The following SLC1A1 variants were observed in gnomAD, a reference collection of about 807,000 sequenced individuals.
SLC1A1 encodes the protein solute carrier family 1 member 1.
A neutral mutation model predicts 53.3 loss-of-function variants in SLC1A1; 43 were observed. That is an observed-to-expected ratio of 0.81 (90% CI 0.63 to 1.04). The LOEUF (loss-of-function observed/expected upper bound fraction) is 1.04, where lower values mean the gene tolerates loss of function less well. SLC1A1 is among the 50% of genes least tolerant of loss of function. The pLI, the probability that SLC1A1 is intolerant of heterozygous loss-of-function variation, is 0.00. For synonymous variants in SLC1A1, 307 were observed against 243.2 expected (o/e 1.26, Z -2.44); for missense variants, 748 against 664.9 (o/e 1.12, Z -1.37).
chr9:4,495,876 G>A (rs563967487), intron 1 of SLC1A1, among the ~76,000 whole-genome samples: 2 of 152,276 alleles, frequency 1.3e-5, no homozygotes, highest in East Asian at 3.9e-4. Context: ...AAAACAGAGA[G>A]TCCTGGAAGG....
At chr9:4,523,192 G>A (rs189359144) in intron 1 of SLC1A1, among the ~76,000 whole-genome samples, 3 of 152,160 alleles carry the variant, frequency 2.0e-5, no homozygotes, top group Non-Finnish European at 4.4e-5. Flanking sequence ...CTCATTAGAT[G>A]TGAGCTCCTT....
chr9:4,513,266 C>A (rs186512621), intron 1 of SLC1A1, among the ~76,000 whole-genome samples: 43 of 152,158 alleles, frequency 2.8e-4, no homozygotes, highest in African/African-American at 1.0e-3. Flanking sequence ...AACAAACAAG[C>A]TACAGACTGG....
intron 1 of SLC1A1, among the ~76,000 whole-genome samples, chr9:4,513,158 G>C (rs79771879): frequency 0.039 from 5,898 of 152,160 alleles, 153 homozygotes; most frequent in Middle Eastern, 0.075. Flanking sequence ...TAGGCAAAGA[G>C]ATCTAGATGC....
intron 1 of SLC1A1, among the ~76,000 whole-genome samples, chr9:4,523,909 C>T (rs899842025): frequency 6.6e-6 from 1 of 152,176 alleles, no homozygotes; most frequent in Admixed American, 6.5e-5. Context: ...GTGGTGAGGC[C>T]AAGATTTGAA....
chr9:4,500,385 G>C (rs779633427), intron 1 of SLC1A1, among the ~76,000 whole-genome samples: 2 of 152,134 alleles, frequency 1.3e-5, no homozygotes, highest in Non-Finnish European at 2.9e-5. Flanking sequence ...CTCGGCTACT[G>C]CAACCTCCAC....
Position 4,561,426 on chromosome 9 carries a change from T to C in SLC1A1, c.233-23T>C, listed in dbSNP as rs9407286. On this transcript the variant is annotated intron_variant, in intron 2 of 11. Transcript: ENST00000262352. ...AACCTGTCTTTTAAAATTAATGTAA[T>C]TTGATTTCTGTCTCCCCTTCAGGTG... 0.015 allele frequency: 21,740 copies of C among 1,420,344 alleles called. 1,086 individuals are homozygous for C. In the African/African-American group the frequency reaches 0.17, roughly 11 times the overall value. 88.0% of individuals were successfully genotyped at this position (1,420,344 alleles called of 1,614,324 possible). A position where few individuals can be genotyped will look rare whatever the true frequency, so the allele number is the denominator to read the frequency against.
chr9:4,493,313 G>A (rs1820301371), intron 1 of SLC1A1, among the ~76,000 whole-genome samples: 1 of 152,104 alleles, frequency 6.6e-6, no homozygotes, highest in South Asian at 2.1e-4. Context: ...CAGAGTACTG[G>A]GCCTGAGTGG....
At chr9:4,502,732 A>C (rs1008814492) in intron 1 of SLC1A1, among the ~76,000 whole-genome samples, 10 of 151,784 alleles carry the variant, frequency 6.6e-5, no homozygotes, top group African/African-American at 2.4e-4. Flanking sequence ...CTTCCTTCCT[A>C]GTAAACCTTG....
intron 1 of SLC1A1, among the ~76,000 whole-genome samples, chr9:4,532,313 A>C (rs1816502980): frequency 6.6e-6 from 1 of 151,688 alleles, no homozygotes; most frequent in South Asian, 2.1e-4. Context: ...AAAAACCTTG[A>C]AAAAAAAATT....
At chr9:4,546,043 T>C (rs532455580) in intron 2 of SLC1A1, among the ~76,000 whole-genome samples, 1 of 152,092 alleles carries the variant, frequency 6.6e-6, no homozygotes, top group Non-Finnish European at 1.5e-5. Flanking sequence ...CCTGGTAGAG[T>C]ACTGGACGTT....
At chr9:4,569,912 C>T (rs1174978930) in intron 6 of SLC1A1, among the ~76,000 whole-genome samples, 2 of 152,188 alleles carry the variant, frequency 1.3e-5, no homozygotes, top group Non-Finnish European at 2.9e-5. Context: ...GGCCTCTGTC[C>T]TCACACAAAG....
Position 4,561,531 on chromosome 9 carries a change from T to C in SLC1A1, c.315T>C (p.Ala105=). The part of the protein sequence containing the change: ...VVYYFCTTLI[A]VILGIVLVVS... Reference sequence around the variant, plus strand: ...ATTATTTCTGTACCACTCTCATTGCTGTTATTCTAGGTAATACTTATTTCT... The same window carrying C: ...ATTATTTCTGTACCACTCTCATTGCCGTTATTCTAGGTAATACTTATTTCT... Residue 105 remains alanine, a synonymous_variant, in exon 3 of 12, where the codon GCT becomes GCC. Transcript: ENST00000262352. The C allele has an allele frequency of 6.4e-7, 1 of 1,570,384 alleles. No homozygotes were observed. Among genetic ancestry groups the C allele is most frequent in the Non-Finnish European group, 8.8e-7 (1 of 1,140,060 alleles).
intron 2 of SLC1A1, 138 bp from the exon 3 acceptor site, chr9:4,561,311 C>T (rs992574475): frequency 5.5e-6 from 4 of 731,992 alleles, no homozygotes; most frequent in African/African-American, 5.2e-5. Flanking sequence ...GTTGCTTTTG[C>T]CCATTGCATG....
At chr9:4,492,270 G>T (rs964343952) in intron 1 of SLC1A1, among the ~76,000 whole-genome samples, 1 of 152,118 alleles carries the variant, frequency 6.6e-6, no homozygotes, top group Admixed American at 6.5e-5. Flanking sequence ...AGATGGCCTT[G>T]TTTGTTTTCC....
chr9:4,567,597 G>C (rs1819610598), intron 5 of SLC1A1, 72 bp from the exon 6 acceptor site: 7 of 924,828 alleles, frequency 7.6e-6, no homozygotes. Context: ...ACATGTTCCT[G>C]TGATTTAGTC....
intron 1 of SLC1A1, among the ~76,000 whole-genome samples, chr9:4,540,714 G>A (rs774920597): frequency 3.3e-5 from 5 of 152,160 alleles, no homozygotes; most frequent in African/African-American, 4.8e-5. Context: ...GTGACAAAGC[G>A]GCCAGCTAGA....
intron 7 of SLC1A1, 116 bp from the exon 8 acceptor site, chr9:4,573,791 C>T (rs533190645): frequency 1.9e-5 from 15 of 778,784 alleles, no homozygotes; most frequent in Admixed American, 1.2e-4. Flanking sequence ...TCCTGTGCTC[C>T]ACCAAGTGTG....
At chr9:4,575,099 C>T (rs764411643) in intron 8 of SLC1A1, among the ~76,000 whole-genome samples, 2 of 152,184 alleles carry the variant, frequency 1.3e-5, no homozygotes, top group Non-Finnish European at 2.9e-5. Flanking sequence ...TATTCTCTTA[C>T]CCCAGCTAGG....
At chr9:4,510,836 G>A (rs1028002792) in intron 1 of SLC1A1, among the ~76,000 whole-genome samples, 2 of 152,246 alleles carry the variant, frequency 1.3e-5, no homozygotes, top group South Asian at 2.1e-4. Flanking sequence ...CTAGACCAGG[G>A]TCCCTCCCTC....
Sources: allele counts gnomAD v4.1 joint callset (sites outside exome capture counted in the v4.1 genomes callset), GRCh38; gene constraint gnomAD v4.1.1; transcripts MANE v1.5; gene names NCBI Gene and HGNC (gene_info 2026-07-23, HGNC 2026-07-21).